NPAS3: variants seen among roughly 807,000 people sequenced by gnomAD.
NPAS3 encodes the protein neuronal PAS domain-containing protein 3.
NPAS3 carries 14 observed loss-of-function variants against 73.1 expected under a neutral mutation model. That is an observed-to-expected ratio of 0.19 (90% CI 0.13 to 0.30). NPAS3 has a LOEUF of 0.30. NPAS3 is among the 10% of genes least tolerant of loss of function. The pLI is 1.00. For missense variants in NPAS3, 1,096 were observed against 1,250.0 expected, an observed-to-expected ratio of 0.88 and a Z score of 1.86; for synonymous variants, 620 against 541.5, an observed-to-expected ratio of 1.14 and a Z score of -2.01.
Position 33,387,652 on chromosome 14 carries a change from C to T in NPAS3, c.468+20384C>T, listed in dbSNP as rs191832216. 2.0e-3 allele frequency among the ~76,000 whole-genome samples: 303 copies of T among 152,118 alleles called. 1 individual carries two copies. Among genetic ancestry groups the T allele is most frequent in the African/African-American group, 6.6e-3 (274 of 41,510 alleles). Reference sequence around the variant, plus strand: ...AGGAGAAGGACAGAGCTGTGGAAAACGGGCAATGCCAGGGTAAGGCCTTCC... The same window carrying T: ...AGGAGAAGGACAGAGCTGTGGAAAATGGGCAATGCCAGGGTAAGGCCTTCC... On this transcript the variant is annotated intron_variant, in intron 4 of 11. Coordinates refer to ENST00000356141, the Ensembl canonical transcript of NPAS3.
At chr14:33,535,444 A>G (rs1182409457) in intron 4 of NPAS3, among the ~76,000 whole-genome samples, 1 of 152,178 alleles carries the variant, frequency 6.6e-6, no homozygotes, top group African/African-American at 2.4e-5. Context: ...ACAACAGTCT[A>G]TAGAGTAGAA....
At chr14:33,216,431 A>C (rs1473807215) in intron 3 of NPAS3, among the ~76,000 whole-genome samples, 1 of 152,206 alleles carries the variant, frequency 6.6e-6, no homozygotes, top group Non-Finnish European at 1.5e-5. Flanking sequence ...AAAAGCAGTT[A>C]TTATTTACAA....
chr14:33,188,814 G>T (rs1472053689), intron 2 of NPAS3, among the ~76,000 whole-genome samples: 1 of 152,126 alleles, frequency 6.6e-6, no homozygotes, highest in African/African-American at 2.4e-5. Flanking sequence ...CAGAATTACT[G>T]TGGGTTATGA....
intron 3 of NPAS3, among the ~76,000 whole-genome samples, chr14:33,263,499 A>T (rs554662026): frequency 6.6e-6 from 1 of 152,194 alleles, no homozygotes; most frequent in Non-Finnish European, 1.5e-5. Flanking sequence ...TGGTACCAGT[A>T]CCACGCTGTT....
intron 3 of NPAS3, among the ~76,000 whole-genome samples, chr14:33,285,702 T>A (rs1481930902): frequency 2.0e-5 from 3 of 152,232 alleles, no homozygotes; most frequent in Non-Finnish European, 4.4e-5. Context: ...CTGTTACAGA[T>A]CCACTGCTTC....
chr14:33,454,987 C>T (rs1015245928), intron 4 of NPAS3, among the ~76,000 whole-genome samples: 16 of 152,220 alleles, frequency 1.1e-4, no homozygotes, highest in Admixed American at 2.6e-4. Flanking sequence ...GAATGGCACC[C>T]GGCGCTGGCT....
intron 4 of NPAS3, among the ~76,000 whole-genome samples, chr14:33,525,657 G>T (rs933796527): frequency 4.6e-5 from 7 of 152,122 alleles, no homozygotes; most frequent in Non-Finnish European, 8.8e-5. Flanking sequence ...GAGACCTAGG[G>T]ATGGGCATCT....
At chr14:32,988,298 A>AG (rs1442987695) in intron 1 of NPAS3, among the ~76,000 whole-genome samples, 46 of 152,188 alleles carry the variant, frequency 3.0e-4, no homozygotes, top group Non-Finnish European at 1.5e-5. Context: ...GTATGTCCAC[A>AG]GCAGACTTAT....
intron 3 of NPAS3, among the ~76,000 whole-genome samples, chr14:33,366,507 C>G (rs902945555): frequency 6.6e-6 from 1 of 152,146 alleles, no homozygotes; most frequent in South Asian, 2.1e-4. Context: ...TGTTCGGGAA[C>G]TCCAGATAAG....
intron 5 of NPAS3, among the ~76,000 whole-genome samples, chr14:33,566,964 G>A (rs1288277552): frequency 2.0e-5 from 3 of 152,186 alleles, no homozygotes; most frequent in Non-Finnish European, 4.4e-5. Context: ...GAATCCACAG[G>A]GCTTCTTCAG....
At chr14:33,423,817 G>A (rs2048449396) in intron 4 of NPAS3, among the ~76,000 whole-genome samples, 1 of 151,964 alleles carries the variant, frequency 6.6e-6, no homozygotes. Context: ...TCAAAAGCAA[G>A]TCAAAGAGAA....
In NPAS3 at chr14:32,950,789, T is replaced by C. The variant is rs185453018; in HGVS notation, c.50+11423T>C. Among the ~76,000 whole-genome samples the C allele has an allele frequency of 2.6e-5, 4 of 152,190 alleles. No homozygotes were observed. The East Asian group carries it at 7.7e-4, about 29-fold the overall frequency. ...TGACACCATCCTCTAGCTAATGTGG[T>C]TTTGTGTATTTTAAAAGATAGCTGT... On this transcript the variant is annotated intron_variant, in intron 1 of 11. Coordinates refer to ENST00000356141, the Ensembl canonical transcript of NPAS3.
intron 4 of NPAS3, among the ~76,000 whole-genome samples, chr14:33,481,110 G>T (rs904774220): frequency 6.6e-6 from 1 of 152,126 alleles, no homozygotes; most frequent in Non-Finnish European, 1.5e-5. Context: ...GGTAAATGGC[G>T]AATAAGAATG....
At position 33,293,715 on chromosome 14, in the gene NPAS3, A is replaced by G. The variant is rs185154645; in HGVS notation, c.386-73471A>G. On this transcript the variant is annotated intron_variant, in intron 3 of 11. Transcript: ENST00000356141. Reference sequence around the variant, plus strand: ...AAAAGGTTAGTAATTAACTGAAAAGAGATATACAAAATTCCAAAAACTACA... The same window carrying G: ...AAAAGGTTAGTAATTAACTGAAAAGGGATATACAAAATTCCAAAAACTACA... 2.0e-5 allele frequency among the ~76,000 whole-genome samples: 3 copies of G among 152,344 alleles called. No individual in the cohort carries two copies. In the East Asian group the frequency reaches 5.8e-4, roughly 29 times the overall value.
At chr14:33,145,315 A>G (rs2044199870) in intron 2 of NPAS3, among the ~76,000 whole-genome samples, 1 of 152,218 alleles carries the variant, frequency 6.6e-6, no homozygotes, top group Non-Finnish European at 1.5e-5. Flanking sequence ...ACAAGAGATT[A>G]CCTGGAAGAA....
At chr14:33,510,359 G>A (rs1454155750) in intron 4 of NPAS3, among the ~76,000 whole-genome samples, 1 of 152,100 alleles carries the variant, frequency 6.6e-6, no homozygotes, top group African/African-American at 2.4e-5. Flanking sequence ...TTTCACAATC[G>A]CTGCTATGAT....
At chr14:33,360,965 C>T (rs967527435) in intron 3 of NPAS3, among the ~76,000 whole-genome samples, 1 of 152,112 alleles carries the variant, frequency 6.6e-6, no homozygotes, top group African/African-American at 2.4e-5. Flanking sequence ...AGCAGCTTAA[C>T]CCACTGCCTT....
intron 3 of NPAS3, among the ~76,000 whole-genome samples, chr14:33,260,377 G>A (rs887986350): frequency 6.0e-5 from 9 of 151,038 alleles, no homozygotes; most frequent in African/African-American, 2.2e-4. Context: ...TTTGGCCACA[G>A]TTCACTTTCG....
chr14:33,177,532 T>C (rs1016658447), intron 2 of NPAS3, among the ~76,000 whole-genome samples: 1 of 152,230 alleles, frequency 6.6e-6, no homozygotes, highest in African/African-American at 2.4e-5. Context: ...TGATGTTCAA[T>C]TTATCTTTTG....
Sources: gnomAD v4.1 joint callset for allele counts (sites outside exome capture counted in the v4.1 genomes callset) on GRCh38, gnomAD v4.1.1 for gene constraint, MANE v1.5 for transcripts, NCBI Gene and HGNC (gene_info 2026-07-23, HGNC 2026-07-21) for gene names.